The following IGSF10 variants were observed in gnomAD, a reference collection of about 807,000 sequenced individuals.
The protein encoded by IGSF10 is immunoglobulin superfamily member 10, also known as calvaria mechanical force protein 608.
Under a neutral mutation model 128.2 loss-of-function variants are expected in IGSF10, and 126 were observed. The ratio of observed to expected loss-of-function variants is 0.98; its 90% CI spans 0.85 to 1.14. The LOEUF is 1.14. Among genes scored for constraint, IGSF10 ranks in the 50% most tolerant of loss-of-function variants. The probability of loss-of-function intolerance (pLI) is 0.00; values close to 1 mark genes in which losing one functional copy is unlikely to be tolerated. For missense variants in IGSF10, 3,295 were observed against 3,149.8 expected (o/e 1.05, Z -1.10); for synonymous variants, 1,185 against 1,146.2 (o/e 1.03, Z -0.68).
the IGSF10 span, among the ~76,000 whole-genome samples, chr3:151,472,944 C>T: frequency 4.6e-5 from 7 of 152,244 alleles, no homozygotes; most frequent in African/African-American, 1.2e-4. Flanking sequence ...CTTGGGTCCA[C>T]GTCTCACAAC....
At chr3:151,441,347 C>T (rs147784604) in intron 7 of IGSF10, among the ~76,000 whole-genome samples, 505 of 152,324 alleles carry the variant, frequency 3.3e-3, no homozygotes, top group African/African-American at 0.012. Flanking sequence ...TCTTCAGCCT[C>T]TCCAAAGCAC....
the IGSF10 span, among the ~76,000 whole-genome samples, chr3:151,466,584 GT>G: frequency 2.9e-4 from 44 of 152,032 alleles, no homozygotes; most frequent in African/African-American, 6.5e-4. Flanking sequence ...GTTTTGTTTT[GT>G]TTTGTTTGTT....
At chr3:151,485,030 C>G in the IGSF10 span, among the ~76,000 whole-genome samples, 1 of 152,030 alleles carries the variant, frequency 6.6e-6, no homozygotes, top group South Asian at 2.1e-4. Flanking sequence ...ATGTTCTAAC[C>G]CAATGCAAGG....
At chr3:151,506,235 G>A in the IGSF10 span, among the ~76,000 whole-genome samples, 2 of 152,164 alleles carry the variant, frequency 1.3e-5, no homozygotes, top group South Asian at 2.1e-4. Flanking sequence ...TTATAGGCAT[G>A]AGCCACCACA....
At chr3:151,543,677 C>T in the IGSF10 span, among the ~76,000 whole-genome samples, 2 of 152,140 alleles carry the variant, frequency 1.3e-5, no homozygotes, top group African/African-American at 2.4e-5. Context: ...CTTTTACAGA[C>T]AATAGTGGCT....
the IGSF10 span, among the ~76,000 whole-genome samples, chr3:151,602,112 T>C: frequency 5.9e-5 from 9 of 152,130 alleles, no homozygotes; most frequent in Non-Finnish European, 1.2e-4. Context: ...GAATATTTAC[T>C]GTGATAGTCT....
Position 151,448,759 on chromosome 3 carries a change from C to A in IGSF10, c.1222G>T (p.Ala408Ser). ...PQLYYKYKQV[A>S]PKPEDIFTNI... is the part of the protein sequence containing the mutation. ...GTAAAAATGTCTTCAGGCTTAGGAG[C>A]CACCTGTTTATATTTGTAATAGAGC... The change falls in exon 6 of 8, where the codon GCT (alanine) becomes TCT (serine). Residue 408 changes from alanine to serine, a missense_variant. Physicochemically the swap from Ala to Ser is moderately conservative, Grantham distance 99. Coordinates refer to ENST00000282466, the MANE Select transcript of IGSF10 (RefSeq NM_178822.5). The A allele has an allele frequency of 6.2e-7, 1 of 1,613,618 alleles. No homozygotes were observed. The highest frequency in any genetic ancestry group is 8.5e-7 in the Non-Finnish European group (1 of 1,179,594).
chr3:151,515,700 A>T, the IGSF10 span, among the ~76,000 whole-genome samples: 10 of 145,256 alleles, frequency 6.9e-5, no homozygotes, highest in South Asian at 2.2e-4. Context: ...TATATAATTT[A>T]AAAAATATAT....
chr3:151,434,385 A>G (rs1418571707), downstream of IGSF10: 1 of 152,236 alleles, frequency 6.6e-6, no homozygotes, highest in Non-Finnish European at 1.5e-5. Context: ...GGCAACATCC[A>G]TGTGAACTGC....
the IGSF10 span, among the ~76,000 whole-genome samples, chr3:151,585,201 TATCTC>T: frequency 9.2e-5 from 14 of 152,304 alleles, no homozygotes; most frequent in Admixed American, 3.9e-4. Context: ...GTATGCAAAA[TATCTC>T]ATTAATAATT....
the IGSF10 span, among the ~76,000 whole-genome samples, chr3:151,500,758 C>G: frequency 6.6e-6 from 1 of 152,102 alleles, no homozygotes; most frequent in Non-Finnish European, 1.5e-5. Flanking sequence ...TCCATATCGT[C>G]TTTTCTCTGG....
At chr3:151,611,329 G>T in the IGSF10 span, among the ~76,000 whole-genome samples, 7 of 152,070 alleles carry the variant, frequency 4.6e-5, no homozygotes, top group Non-Finnish European at 1.0e-4. Flanking sequence ...AAATCTTAAA[G>T]TACTAATCTA....
the IGSF10 span, among the ~76,000 whole-genome samples, chr3:151,611,485 T>C: frequency 6.6e-6 from 1 of 152,196 alleles, no homozygotes; most frequent in Non-Finnish European, 1.5e-5. Flanking sequence ...TGATTTTCTT[T>C]CTGTAAGTAG....
At chr3:151,495,211 A>G in the IGSF10 span, among the ~76,000 whole-genome samples, 1 of 152,172 alleles carries the variant, frequency 6.6e-6, no homozygotes, top group Admixed American at 6.6e-5. Flanking sequence ...CTTAATCCAC[A>G]TCATTCCAAA....
upstream of IGSF10, among the ~76,000 whole-genome samples, chr3:151,465,770 C>G (rs1326386296): frequency 6.6e-6 from 1 of 152,136 alleles, no homozygotes; most frequent in African/African-American, 2.4e-5. Flanking sequence ...TAAATATGGC[C>G]TGAGAGGGAC....
At chr3:151,596,260 T>A in the IGSF10 span, among the ~76,000 whole-genome samples, 5 of 152,178 alleles carry the variant, frequency 3.3e-5, no homozygotes, top group Admixed American at 6.6e-5. Context: ...GGCATATCAC[T>A]GAATGCCCAT....
At position 151,448,360 on chromosome 3, in the gene IGSF10, C is replaced by CT. The variant is rs1721330165; in HGVS notation, c.1620_1621insA (p.Ala541SerfsTer2). 1 of 1,614,052 alleles carries CT rather than the reference C, an allele frequency of 6.2e-7. No individual in the cohort carries two copies. The highest frequency in any genetic ancestry group is 8.5e-7 in the Non-Finnish European group (1 of 1,180,018). ...TATACGCCTGTGTCAAAACTATCAGCCATCTGGAGTTCCAATTTTCCACTT... is the reference window on the plus strand; with the variant it reads ...TATACGCCTGTGTCAAAACTATCAGCTCATCTGGAGTTCCAATTTTCCACTT... On this transcript the variant is annotated frameshift_variant, in exon 6 of 8. Transcript: ENST00000282466. LOFTEE classifies it high-confidence loss of function.
the IGSF10 span, among the ~76,000 whole-genome samples, chr3:151,473,955 A>G: frequency 6.6e-6 from 1 of 151,874 alleles, no homozygotes; most frequent in Admixed American, 6.6e-5. Flanking sequence ...GTTTCCACTG[A>G]TGAAATATTC....
chr3:151,523,518 T>C, the IGSF10 span, among the ~76,000 whole-genome samples: 1 of 151,936 alleles, frequency 6.6e-6, no homozygotes, highest in Non-Finnish European at 1.5e-5. Flanking sequence ...AAGCCCCACA[T>C]CTATGACCAT....
Sources: gnomAD v4.1 joint callset for allele counts (sites outside exome capture counted in the v4.1 genomes callset) on GRCh38, gnomAD v4.1.1 for gene constraint, MANE v1.5 for transcripts, NCBI Gene and HGNC (gene_info 2026-07-23, HGNC 2026-07-21) for gene names.